Variants in KLF12 observed in about 807,000 individuals in gnomAD.
KLF12 encodes KLF transcription factor 12, also known as Krueppel-like factor 12.
In KLF12, 9 loss-of-function variants were observed where a neutral mutation model predicts 37.8. That is an observed-to-expected ratio of 0.24 (90% CI 0.14 to 0.42). The LOEUF (loss-of-function observed/expected upper bound fraction) is 0.42. Among genes scored for constraint, KLF12 ranks in the 10% least tolerant of loss-of-function variants. KLF12 has a pLI of 1.00. For missense variants in KLF12, 411 were observed against 516.0 expected (o/e 0.80, Z 1.97); for synonymous variants, 208 against 202.1 (o/e 1.03, Z -0.25).
intron 1 of KLF12, among the ~76,000 whole-genome samples, chr13:74,056,561 G>A (rs1214383742): frequency 6.6e-6 from 1 of 152,118 alleles, no homozygotes; most frequent in Non-Finnish European, 1.5e-5. Flanking sequence ...TGCACAGAGG[G>A]GAGAAGTAAA....
intron 3 of KLF12, among the ~76,000 whole-genome samples, chr13:73,920,212 C>T (rs1057060025): frequency 3.9e-5 from 6 of 152,058 alleles, no homozygotes; most frequent in Non-Finnish European, 7.4e-5. Flanking sequence ...TGAATATGCA[C>T]AAATATTACA....
chr13:74,281,203 A>G, the KLF12 span, among the ~76,000 whole-genome samples: 3 of 152,010 alleles, frequency 2.0e-5, no homozygotes, highest in African/African-American at 7.3e-5. Context: ...AGACACCCAC[A>G]CACTATTTCT....
chr13:74,165,366 T>C, the KLF12 span, among the ~76,000 whole-genome samples: 3 of 147,038 alleles, frequency 2.0e-5, no homozygotes, highest in Non-Finnish European at 4.5e-5. Flanking sequence ...AGTAGCGCAA[T>C]CTTGACTCAC....
At chr13:73,918,595 C>G (rs1308973638) in intron 3 of KLF12, among the ~76,000 whole-genome samples, 1 of 152,134 alleles carries the variant, frequency 6.6e-6, no homozygotes, top group Non-Finnish European at 1.5e-5. Flanking sequence ...CTAGATATAA[C>G]CCAAACTCAT....
chr13:73,951,494 C>T (rs948971910), intron 2 of KLF12, among the ~76,000 whole-genome samples: 2 of 152,154 alleles, frequency 1.3e-5, no homozygotes, highest in Non-Finnish European at 2.9e-5. Flanking sequence ...ATCCTCAAAG[C>T]ACAGGGTACT....
chr13:73,847,756 A>C (rs1036879294), intron 3 of KLF12, among the ~76,000 whole-genome samples: 2 of 152,182 alleles, frequency 1.3e-5, no homozygotes, highest in Admixed American at 6.5e-5. Context: ...TCTAAATGAC[A>C]AGATTTTCAG....
intron 1 of KLF12, among the ~76,000 whole-genome samples, chr13:74,066,690 GA>G (rs1873935290): frequency 6.6e-6 from 1 of 152,050 alleles, no homozygotes; most frequent in Non-Finnish European, 1.5e-5. Flanking sequence ...AAAACACCAA[GA>G]ATAATCATGG....
At chr13:74,010,063 CT>C (rs1892510872) in intron 1 of KLF12, among the ~76,000 whole-genome samples, 1 of 151,948 alleles carries the variant, frequency 6.6e-6, no homozygotes, top group African/African-American at 2.4e-5. Flanking sequence ...AAGCCTCCCA[CT>C]TGAGCCTCCC....
At chr13:73,875,967 C>T (rs1886684633) in intron 3 of KLF12, among the ~76,000 whole-genome samples, 1 of 152,062 alleles carries the variant, frequency 6.6e-6, no homozygotes, top group Admixed American at 6.6e-5. Flanking sequence ...TATGACTATA[C>T]TTTTAAATTC....
At position 73,824,653 on chromosome 13, in the gene KLF12, G is replaced by A. The variant is rs1323470180; in HGVS notation, c.671-11366C>T. ...CATGTCCTCATCTTATACCAACTCC[G>A]AAGAGAAAAATTTACTCTGTAAAAT... On this transcript the variant is annotated intron_variant, in intron 4 of 7. Transcript: ENST00000377669. Among the ~76,000 whole-genome samples the A allele has an allele frequency of 3.3e-5, 5 of 152,032 alleles. No individual in the cohort carries two copies. In the South Asian group the frequency reaches 6.2e-4, roughly 19 times the overall value.
chr13:74,056,078 C>T (rs76013997), intron 1 of KLF12, among the ~76,000 whole-genome samples: 4,532 of 152,158 alleles, frequency 0.03, 207 homozygotes, highest in African/African-American at 0.1. Flanking sequence ...AAGAGGAAAG[C>T]AGAAGGAGGT....
At chr13:74,203,081 A>G in the KLF12 span, among the ~76,000 whole-genome samples, 1,947 of 152,198 alleles carry the variant, frequency 0.013, 42 homozygotes, top group African/African-American at 0.045. Flanking sequence ...AATGGGTTAG[A>G]TGGGGTTCCA....
chr13:74,220,471 G>C, the KLF12 span, among the ~76,000 whole-genome samples: 5 of 152,100 alleles, frequency 3.3e-5, no homozygotes, highest in Admixed American at 2.6e-4. Context: ...ATACAAAGTG[G>C]AATGGTGAAA....
At chr13:73,726,124 AT>A (rs1389696531) in intron 6 of KLF12, among the ~76,000 whole-genome samples, 1 of 152,100 alleles carries the variant, frequency 6.6e-6, no homozygotes, top group African/African-American at 2.4e-5. Context: ...AAGTGCTGGG[AT>A]TATAGGCGTG....
intron 4 of KLF12, among the ~76,000 whole-genome samples, chr13:73,839,505 T>C (rs1162887308): frequency 6.6e-6 from 1 of 152,192 alleles, no homozygotes; most frequent in Non-Finnish European, 1.5e-5. Context: ...TTGGGACTCA[T>C]GGTTTATTTT....
intron 5 of KLF12, among the ~76,000 whole-genome samples, chr13:73,775,516 C>A (rs1880557578): frequency 6.6e-6 from 1 of 152,116 alleles, no homozygotes; most frequent in Non-Finnish European, 1.5e-5. Flanking sequence ...ATAATTGCTT[C>A]AATTTTCCAC....
chr13:73,763,219 TTATAAA>T (rs1205575652), intron 6 of KLF12, among the ~76,000 whole-genome samples: 2 of 152,176 alleles, frequency 1.3e-5, no homozygotes, highest in African/African-American at 2.4e-5. Context: ...AAACATTATA[TTATAAA>T]TATATCTCCT....
chr13:73,905,447 T>C (rs1888236046), intron 3 of KLF12, among the ~76,000 whole-genome samples: 1 of 151,866 alleles, frequency 6.6e-6, no homozygotes. Context: ...AAATACACAA[T>C]TCAGAGTGAA....
At chr13:73,699,829 A>G (rs1234910105) in intron 7 of KLF12, among the ~76,000 whole-genome samples, 1 of 152,214 alleles carries the variant, frequency 6.6e-6, no homozygotes, top group Non-Finnish European at 1.5e-5. Context: ...GTCTGAGCCC[A>G]TAAATGTAGA....
Sources: allele counts gnomAD v4.1 joint callset (sites outside exome capture counted in the v4.1 genomes callset), GRCh38; gene constraint gnomAD v4.1.1; transcripts MANE v1.5; gene names NCBI Gene and HGNC (gene_info 2026-07-23, HGNC 2026-07-21).